MEGF11: variants seen among roughly 807,000 people sequenced by gnomAD.
MEGF11 encodes multiple EGF like domains 11, also known as multiple epidermal growth factor-like domains protein 11.
In MEGF11, 126 loss-of-function variants were observed where a neutral mutation model predicts 146.6. The observed-to-expected ratio is 0.86, with a 90% CI of 0.74 to 1.00. MEGF11 has a LOEUF of 1.00. Ranked by LOEUF, MEGF11 falls within the 50% of genes least tolerant of loss-of-function variation. MEGF11 has a pLI of 0.00. For missense variants in MEGF11, 1,509 were observed against 1,521.2 expected, an observed-to-expected ratio of 0.99 and a Z score of 0.13; for synonymous variants, 532 against 583.4, an observed-to-expected ratio of 0.91 and a Z score of 1.27.
chr15:66,053,360 T>G (rs575801884), intron 5 of MEGF11, among the ~76,000 whole-genome samples: 15 of 152,336 alleles, frequency 9.8e-5, no homozygotes, highest in African/African-American at 3.4e-4. Context: ...CTTCATTGAT[T>G]GTGACTTTAG....
intron 5 of MEGF11, among the ~76,000 whole-genome samples, chr15:66,091,081 G>A (rs2086300747): frequency 6.6e-6 from 1 of 152,110 alleles, no homozygotes; most frequent in Non-Finnish European, 1.5e-5. Context: ...CAAGAATGAT[G>A]CTTTCAATTA....
intron 15 of MEGF11, among the ~76,000 whole-genome samples, chr15:65,918,372 T>C (rs2141234392): frequency 6.6e-6 from 1 of 152,346 alleles, no homozygotes; most frequent in East Asian, 1.9e-4. Context: ...ATCACCTGAC[T>C]TAGGTCTCAC....
At chr15:65,977,544 A>G (rs1383897895) in intron 7 of MEGF11, among the ~76,000 whole-genome samples, 2 of 149,758 alleles carry the variant, frequency 1.3e-5, no homozygotes, top group Admixed American at 1.3e-4. Context: ...CAATGGCGCA[A>G]TCTTGGCTCA....
chr15:65,930,681 G>A, intron 11 of MEGF11, 142 bp downstream of exon 11: 1 of 1,040,028 alleles, frequency 9.6e-7, no homozygotes, highest in Non-Finnish European at 1.3e-6. Flanking sequence ...TTCTTGCCTG[G>A]AACCCAACCA....
intron 3 of MEGF11, among the ~76,000 whole-genome samples, chr15:66,119,535 G>A (rs987248558): frequency 3.3e-5 from 5 of 152,214 alleles, no homozygotes; most frequent in African/African-American, 1.2e-4. Flanking sequence ...AAGAGCCCAC[G>A]GGGTGACCTG....
intron 19 of MEGF11, among the ~76,000 whole-genome samples, chr15:65,914,799 C>A (rs1023874700): frequency 1.3e-5 from 2 of 152,200 alleles, no homozygotes; most frequent in African/African-American, 4.8e-5. Context: ...TAATTGAGAG[C>A]CCATTTTCAT....
intron 4 of MEGF11, among the ~76,000 whole-genome samples, chr15:66,118,358 G>A (rs1031995497): frequency 2.6e-5 from 4 of 152,148 alleles, no homozygotes; most frequent in Admixed American, 2.0e-4. Flanking sequence ...CTCCTGCTCC[G>A]GGGTGCCTCC....
intron 1 of MEGF11, among the ~76,000 whole-genome samples, chr15:66,141,559 G>A (rs1450005067): frequency 2.0e-5 from 3 of 151,972 alleles, no homozygotes; most frequent in Non-Finnish European, 2.9e-5. Context: ...GCACCCAGAA[G>A]AGGATTAATG....
intron 10 of MEGF11, among the ~76,000 whole-genome samples, chr15:65,940,750 T>C (rs1053131456): frequency 1.3e-5 from 2 of 152,202 alleles, no homozygotes; most frequent in African/African-American, 4.8e-5. Context: ...CCACAGCCTG[T>C]GGGGCTGAGT....
chr15:65,930,001 G>A, intron 11 of MEGF11, 118 bp from the exon 12 acceptor site: 1 of 1,014,418 alleles, frequency 9.9e-7, no homozygotes, highest in Non-Finnish European at 1.4e-6. Context: ...CTGAGGGCTG[G>A]GTTAGAACAC....
intron 1 of MEGF11, among the ~76,000 whole-genome samples, chr15:66,213,264 G>T (rs1425451180): frequency 1.3e-5 from 2 of 152,156 alleles, no homozygotes; most frequent in East Asian, 3.8e-4. Context: ...GGATGCCAGA[G>T]ATGAGGCCAA....
chr15:66,162,885 T>C (rs997926941), intron 1 of MEGF11, among the ~76,000 whole-genome samples: 2 of 152,218 alleles, frequency 1.3e-5, no homozygotes, highest in Non-Finnish European at 2.9e-5. Context: ...GAATTACTTC[T>C]CAGGTGGAGG....
chr15:66,163,119 G>A (rs900261428), intron 1 of MEGF11, among the ~76,000 whole-genome samples: 2 of 152,146 alleles, frequency 1.3e-5, no homozygotes, highest in Admixed American at 6.5e-5. Context: ...CAACGTCTAC[G>A]GTTACCGCCA....
intron 5 of MEGF11, among the ~76,000 whole-genome samples, chr15:66,022,216 C>A (rs2083167200): frequency 1.3e-5 from 2 of 152,220 alleles, no homozygotes; most frequent in Non-Finnish European, 2.9e-5. Context: ...CAGGTGTGGG[C>A]CCTCAGGTCT....
At chr15:65,927,090 T>G (rs533437175) in intron 13 of MEGF11, among the ~76,000 whole-genome samples, 3 of 152,366 alleles carry the variant, frequency 2.0e-5, no homozygotes, top group South Asian at 2.1e-4. Flanking sequence ...TTCTCTTTGC[T>G]GCTCATCACC....
chr15:65,917,087 G>A, intron 16 of MEGF11, 131 bp from the exon 17 acceptor site: 1 of 991,678 alleles, frequency 1.0e-6, no homozygotes, highest in Non-Finnish European at 1.4e-6. Context: ...TGGCTTTCAG[G>A]GGCTTCATGC....
At chr15:66,228,827 A>G (rs1388171119) in intron 1 of MEGF11, among the ~76,000 whole-genome samples, 1 of 152,040 alleles carries the variant, frequency 6.6e-6, no homozygotes, top group East Asian at 1.9e-4. Context: ...TGGGTTGGGT[A>G]GTGGGGCACG....
At chr15:65,931,721 C>T (rs1056558057) in intron 10 of MEGF11, among the ~76,000 whole-genome samples, 2 of 152,178 alleles carry the variant, frequency 1.3e-5, no homozygotes, top group African/African-American at 2.4e-5. Context: ...CCCCATGACA[C>T]GAGTAGTAAT....
chr15:66,109,649 G>A (rs1264038528), intron 4 of MEGF11, among the ~76,000 whole-genome samples: 1 of 152,176 alleles, frequency 6.6e-6, no homozygotes, highest in Non-Finnish European at 1.5e-5. Flanking sequence ...TCACTCTCCG[G>A]CCGGCTGAGG....
Sources: allele counts gnomAD v4.1 joint callset (sites outside exome capture counted in the v4.1 genomes callset), GRCh38; gene constraint gnomAD v4.1.1; transcripts MANE v1.5; gene names NCBI Gene and HGNC (gene_info 2026-07-23, HGNC 2026-07-21).